The following A3GALT2 variants were observed in gnomAD, a reference collection of about 807,000 sequenced individuals.
A3GALT2 encodes alpha-1,3-galactosyltransferase 2.
A neutral mutation model predicts 16.6 loss-of-function variants in A3GALT2; 14 were observed. That is an observed-to-expected ratio of 0.84 (90% CI 0.56 to 1.32). A3GALT2 has a LOEUF of 1.32. Among genes scored for constraint, A3GALT2 ranks in the 40% most tolerant of loss-of-function variants. A3GALT2 has a pLI of 0.00. For synonymous variants in A3GALT2, 253 were observed against 218.0 expected, an observed-to-expected ratio of 1.16 and a Z score of -1.42; for missense variants, 600 against 490.9, an observed-to-expected ratio of 1.22 and a Z score of -2.10.
At position 33,320,480 on chromosome 1, in the gene A3GALT2, C is replaced by T. The variant is rs1646280882; in HGVS notation, c.23+596G>A. On this transcript the variant is annotated intron_variant, in intron 1 of 4. Transcript: ENST00000442999. This position sits in a 1 kb window ranked among gnomAD's most constrained non-coding sequence, Gnocchi z 4.3. ...GCTGAGACCCAGGACTGGGTGGGAC[C>T]CACCAGCTCCTCCTGCCCCTCCTAT... is the stretch of plus-strand genomic sequence containing the variant. Among the ~76,000 whole-genome samples the T allele has an allele frequency of 1.3e-5, 2 of 151,946 alleles. No homozygotes were observed. The highest frequency in any genetic ancestry group is 2.9e-5 in the Non-Finnish European group (2 of 68,004).
intron 4 of A3GALT2, 139 bp from the exon 5 acceptor site, chr1:33,307,592 CCCCCACCTCAT>C: frequency 2.2e-6 from 1 of 462,078 alleles, no homozygotes. Flanking sequence ...CCCACCCTCA[CCCCCACCTCAT>C]CCCACCCCTC....
rs1176381719 is a variant in A3GALT2 at position 33,309,526 on chromosome 1, G to C, written c.336-2073C>G. Among the ~76,000 whole-genome samples the C allele has an allele frequency of 2.0e-5, 3 of 151,764 alleles. No individual in the cohort carries two copies. In the East Asian group the frequency reaches 5.9e-4, roughly 30 times the overall value. On this transcript the variant is annotated intron_variant, in intron 4 of 4. Coordinates refer to ENST00000442999, the MANE Select transcript of A3GALT2 (RefSeq NM_001080438.1). ...CTGGATGGGGCGGCTGCTGGGTGGA[G>C]ACGCTCCTCACTTCCCAGGTGGGGC...
intron 1 of A3GALT2, among the ~76,000 whole-genome samples, chr1:33,317,401 G>A (rs578173864): frequency 6.6e-6 from 1 of 152,318 alleles, no homozygotes; most frequent in African/African-American, 2.4e-5. Context: ...TGTATTTACA[G>A]TAGGTTGCTT....
chr1:33,307,445 TC>T lies in A3GALT2; in HGVS notation c.343del (p.Glu115ArgfsTer21). 6.6e-7 allele frequency: 1 copy of T among 1,509,502 alleles called. No individual in the cohort carries two copies. The allele number at this position is 1,509,502 out of a possible 1,614,324, so 93.5% of individuals were successfully genotyped here. A position where few individuals can be genotyped will look rare whatever the true frequency, so the allele number is the denominator to read the frequency against. On this transcript the variant is annotated frameshift_variant, in exon 5 of 5. Coordinates refer to ENST00000442999, the MANE Select transcript of A3GALT2 (RefSeq NM_001080438.1). LOFTEE classifies it low-confidence loss of function (END_TRUNC). ...LTIFAVGRYL[E>X]KYLERFLETA... ...CTCCAGGAAGCGCTCCAGGTACTTC[TC>T]CAGGTATCTAAGGGCGCGGCGCCAC...
In A3GALT2 at chr1:33,306,983, G is replaced by A; in HGVS notation, c.806C>T (p.Thr269Met). ...GGSVAALRGLTAHCAGGLDWD... is the reference protein window; with the variant it reads ...GGSVAALRGLMAHCAGGLDWD... The stretch of plus-strand genomic sequence containing the variant: ...GTCCAGGCCCCCCGCACAGTGCGCC[G>A]TCAGCCCGCGCAGCGCCGCCACGCT... The change falls in exon 5 of 5, where the codon ACG (threonine) becomes ATG (methionine). Residue 269 changes from threonine (T) to methionine (M), a missense_variant. Physicochemically the swap from Thr to Met is moderately conservative, Grantham distance 81. Transcript: ENST00000442999. The A allele has an allele frequency of 1.4e-6, 2 of 1,471,296 alleles. No individual in the cohort carries two copies. Among genetic ancestry groups the A allele is most frequent in the Non-Finnish European group, 8.9e-7 (1 of 1,118,464 alleles). The allele number at this position is 1,471,296 out of a possible 1,614,324, so 91.1% of individuals were successfully genotyped here.
rs762343618 is a variant in A3GALT2 at position 33,320,978 on chromosome 1, G to T, written c.23+98C>A. 3.3e-6 allele frequency: 5 copies of T among 1,508,922 alleles called. No individual in the cohort carries two copies. Among genetic ancestry groups the T allele is most frequent in the Non-Finnish European group, 4.6e-6 (5 of 1,089,570 alleles). The allele number at this position is 1,508,922 out of a possible 1,614,324, so 93.5% of individuals were successfully genotyped here. Reference sequence around the variant, plus strand: ...AGCTGGTACTCCTGGGCTCACTCTGGTGCCTCCCCTTGGTACTGTTTTAGC... The same window carrying T: ...AGCTGGTACTCCTGGGCTCACTCTGTTGCCTCCCCTTGGTACTGTTTTAGC... On this transcript the variant is annotated intron_variant, in intron 1 of 4. Coordinates refer to ENST00000442999, the MANE Select transcript of A3GALT2 (RefSeq NM_001080438.1). This position sits in a 1 kb window ranked among gnomAD's most constrained non-coding sequence, Gnocchi z 4.3.
chr1:33,318,298 T>C (rs1390667340), intron 1 of A3GALT2, among the ~76,000 whole-genome samples: 3 of 152,094 alleles, frequency 2.0e-5, no homozygotes, highest in Non-Finnish European at 2.9e-5. Flanking sequence ...AAAATATTGT[T>C]ACAAATAATT....
At chr1:33,308,853 G>T in intron 4 of A3GALT2, among the ~76,000 whole-genome samples, 2 of 145,870 alleles carry the variant, frequency 1.4e-5, no homozygotes, top group Admixed American at 6.9e-5. Flanking sequence ...ATAGTGGAGG[G>T]AAGGTCAGCA....
chr1:33,311,932 C>G (rs2148159825), intron 4 of A3GALT2, 120 bp downstream of exon 4: 1 of 1,415,442 alleles, frequency 7.1e-7, no homozygotes, highest in East Asian at 2.5e-5. Context: ...GTTGTCTTTG[C>G]TTCTCGCTTC....
At position 33,320,336 on chromosome 1, in the gene A3GALT2, C is replaced by T. The variant is rs373828333; in HGVS notation, c.23+740G>A. On this transcript the variant is annotated intron_variant, in intron 1 of 4. Transcript: ENST00000442999. This position sits in a 1 kb window ranked among gnomAD's most constrained non-coding sequence, Gnocchi z 4.3. ...CCCTCTGTGGCTGTCCCACCCTCTTCACCAGCCTCCTCCCAACCAGGGTAG... is the reference window on the plus strand; with the variant it reads ...CCCTCTGTGGCTGTCCCACCCTCTTTACCAGCCTCCTCCCAACCAGGGTAG... 4.6e-5 allele frequency among the ~76,000 whole-genome samples: 7 copies of T among 152,186 alleles called. No homozygotes were observed. Among genetic ancestry groups the T allele is most frequent in the African/African-American group, 1.7e-4 (7 of 41,582 alleles).
Position 33,306,936 on chromosome 1 carries a change from C to G in A3GALT2, c.853G>C (p.Glu285Gln), listed in dbSNP as rs1646195264. 1.3e-6 allele frequency: 2 copies of G among 1,513,558 alleles called. No individual in the cohort carries two copies. 93.8% of individuals were successfully genotyped at this position (1,513,558 alleles called of 1,614,324 possible). A position where few individuals can be genotyped will look rare whatever the true frequency, so the allele number is the denominator to read the frequency against. ...GLDWDRARGL[E>Q]ARWHDESHLN... Reference sequence around the variant, plus strand: ...TGGCTCTCGTCGTGCCAGCGCGCCTCCAGGCCGCGCGCGCGGTCCCAGTCC... The same window carrying G: ...TGGCTCTCGTCGTGCCAGCGCGCCTGCAGGCCGCGCGCGCGGTCCCAGTCC... Residue 285 changes from glutamate (E) to glutamine (Q), a missense_variant, in exon 5 of 5, where the codon GAG (glutamate) becomes CAG (glutamine). Glu to Gln is a conservative substitution (Grantham distance 29). Coordinates refer to ENST00000442999, the MANE Select transcript of A3GALT2 (RefSeq NM_001080438.1).
At position 33,307,276 on chromosome 1, in the gene A3GALT2, G is replaced by C; in HGVS notation, c.513C>G (p.Asp171Glu). The C allele has an allele frequency of 2.1e-6, 3 of 1,452,240 alleles. No homozygotes were observed. Among genetic ancestry groups the C allele is most frequent in the Non-Finnish European group, 2.7e-6 (3 of 1,107,690 alleles). 90.0% of individuals were successfully genotyped at this position (1,452,240 alleles called of 1,614,324 possible). A position where few individuals can be genotyped will look rare whatever the true frequency, so the allele number is the denominator to read the frequency against. The change falls in exon 5 of 5, where the codon GAC (aspartate) becomes GAG (glutamate). Residue 171 changes from aspartate (D) to glutamate (E), a missense_variant. Physicochemically the swap from Asp to Glu is conservative, Grantham distance 45. Coordinates refer to ENST00000442999, the MANE Select transcript of A3GALT2 (RefSeq NM_001080438.1). ...ERVARERRWQ[D>E]VSMARMRTLH... ...ACGTGCGCATGCGCGCCATCGACAC[G>C]TCTTGCCAGCGCCGCTCGCGCGCCA...
At chr1:33,310,249 G>A (rs1646227094) in intron 4 of A3GALT2, among the ~76,000 whole-genome samples, 2 of 152,216 alleles carry the variant, frequency 1.3e-5, no homozygotes, top group Admixed American at 6.5e-5. Flanking sequence ...CCGAGATGGC[G>A]GCAGTACAGT....
At chr1:33,312,718 G>T in intron 2 of A3GALT2, 89 bp downstream of exon 2, 2 of 1,449,322 alleles carry the variant, frequency 1.4e-6, no homozygotes, top group Non-Finnish European at 9.5e-7. Context: ...GTTAGCCACT[G>T]CCCTCCATCC....
intron 1 of A3GALT2, among the ~76,000 whole-genome samples, chr1:33,318,487 C>CT (rs758877118): frequency 4.6e-5 from 7 of 152,068 alleles, no homozygotes; most frequent in Non-Finnish European, 7.4e-5. Context: ...CAAGTTGTTG[C>CT]TTTTGCCTCC....
Position 33,317,849 on chromosome 1 carries a change from T to A in A3GALT2, c.23+3227A>T, listed in dbSNP as rs368754988. 2.0e-5 allele frequency among the ~76,000 whole-genome samples: 3 copies of A among 152,342 alleles called. No homozygotes were observed. In the East Asian group the frequency reaches 5.8e-4, roughly 29 times the overall value. ...TATCCCTAATCTGGAAATCTGAAAT[T>A]CAAAATGCTCCAGTGGGAGCATTTC... On this transcript the variant is annotated intron_variant, in intron 1 of 4. Coordinates refer to ENST00000442999, the MANE Select transcript of A3GALT2 (RefSeq NM_001080438.1).
chr1:33,307,211 T>C lies in A3GALT2; in HGVS notation c.578A>G (p.His193Arg), dbSNP rs544052228. ...ALGGLPGREA[H>R]FMFCMDVDQH... The stretch of plus-strand genomic sequence containing the variant: ...GTCCACGTCCATGCAGAACATGAAG[T>C]GCGCCTCGCGGCCCGGCAGCCCGCC... The change falls in exon 5 of 5, where the codon CAC becomes CGC. Residue 193 changes from histidine (H) to arginine (R), a missense_variant. Transcript: ENST00000442999. The C allele has an allele frequency of 2.3e-5, 35 of 1,508,108 alleles. No homozygotes were observed. The African/African-American group carries it at 2.6e-4, about 11-fold the overall frequency. 93.4% of individuals were successfully genotyped at this position (1,508,108 alleles called of 1,614,324 possible).
In A3GALT2 at chr1:33,306,846, G is replaced by C. The variant is rs769442505; in HGVS notation, c.943C>G (p.Pro315Ala). ...ATCTCGGCCCGCGGGCCGATGTCCG[G>C]GCTCCAGCAGAACTCGGGCGACAGC... ...KVLSPEFCWS[P>A]DIGPRAEIRR... The change falls in exon 5 of 5, where the codon CCG becomes GCG. Residue 315 changes from proline to alanine, a missense_variant. Coordinates refer to ENST00000442999, the MANE Select transcript of A3GALT2 (RefSeq NM_001080438.1). 7 of 1,507,480 alleles carry C rather than the reference G, an allele frequency of 4.6e-6. No individual in the cohort carries two copies. The highest frequency in any genetic ancestry group is 6.2e-6 in the Non-Finnish European group (7 of 1,134,406). The allele number at this position is 1,507,480 out of a possible 1,614,324, so 93.4% of individuals were successfully genotyped here. A position where few individuals can be genotyped will look rare whatever the true frequency, so the allele number is the denominator to read the frequency against.
Position 33,308,770 on chromosome 1 carries a change from T to G in A3GALT2, c.336-1317A>C, listed in dbSNP as rs1354079315. On this transcript the variant is annotated intron_variant, in intron 4 of 4. Transcript: ENST00000442999. Reference sequence around the variant, plus strand: ...AAGTTGTTTTTTTTTTTTTTTTTTTTTTTTTTTTTTAGTATTTATTGATCA... The same window carrying G: ...AAGTTGTTTTTTTTTTTTTTTTTTTGTTTTTTTTTTAGTATTTATTGATCA... 6.2e-5 allele frequency among the ~76,000 whole-genome samples: 8 copies of G among 128,800 alleles called. 1 individual carries two copies. The highest frequency in any genetic ancestry group is 1.1e-4 in the Non-Finnish European group (7 of 64,856). The allele number at this position is 128,800 out of a possible 152,430, so 84.5% of individuals were successfully genotyped here.
Sources: gnomAD v4.1 joint callset for allele counts (sites outside exome capture counted in the v4.1 genomes callset) on GRCh38, gnomAD v4.1.1 for gene constraint, Gnocchi (gnomAD v3.1) non-coding constraint, MANE v1.5 for transcripts, NCBI Gene and HGNC (gene_info 2026-07-23, HGNC 2026-07-21) for gene names.